TNIP1: variants seen among roughly 807,000 people sequenced by gnomAD.
The protein encoded by TNIP1 is TNFAIP3 interacting protein 1, also known as TNFAIP3-interacting protein 1.
TNIP1 carries 22 observed loss-of-function variants against 86.6 expected under a neutral mutation model. That is an observed-to-expected ratio of 0.25 (90% CI 0.18 to 0.36). The LOEUF is 0.36. TNIP1 is among the 10% of genes least tolerant of loss of function. The pLI is 1.00. For synonymous variants in TNIP1, 294 were observed against 313.0 expected, an observed-to-expected ratio of 0.94 and a Z score of 0.64; for missense variants, 709 against 820.6, an observed-to-expected ratio of 0.86 and a Z score of 1.66.
intron 5 of TNIP1, 57 bp downstream of exon 5, chr5:151,060,261 G>A: frequency 6.3e-7 from 1 of 1,581,316 alleles, no homozygotes; most frequent in South Asian, 1.1e-5. Context: ...ATGGTAGCAA[G>A]TGACAGGACA....
At chr5:151,068,843 A>G (rs34063173) in intron 1 of TNIP1, among the ~76,000 whole-genome samples, 3,270 of 152,312 alleles carry the variant, frequency 0.021, 47 homozygotes, top group South Asian at 0.058. Flanking sequence ...GCCTGGTTCC[A>G]CAAACTACAA....
intron 5 of TNIP1, among the ~76,000 whole-genome samples, chr5:151,059,779 CAGAGAGAGAGAGAGAG>C (rs55637016): frequency 0.014 from 920 of 67,408 alleles, 18 homozygotes; most frequent in African/African-American, 0.042. Flanking sequence ...GTACGAGAGA[CAGAGAGAGAGAGAGAG>C]AGAGAGAGAG....
In TNIP1 at chr5:151,030,724, C is replaced by T. The variant is rs1183606594; in HGVS notation, c.1900G>A (p.Gly634Arg). 6.2e-7 allele frequency: 1 copy of T among 1,612,116 alleles called. No individual in the cohort carries two copies. The highest frequency in any genetic ancestry group is 8.5e-7 in the Non-Finnish European group (1 of 1,179,414). The change falls in exon 18 of 18, where the codon GGG becomes AGG. Residue 634 changes from glycine to arginine, a missense_variant. Physicochemically the swap from Gly to Arg is moderately radical, Grantham distance 125 (BLOSUM62 -2). Coordinates refer to ENST00000521591, the MANE Select transcript of TNIP1 (RefSeq NM_006058.5). ...GACACAATCTGGTCTCACTGAGGCC[C>T]CTCACGGTCATTTTTTGGAGACTCT... ...EPESPKNDRE[G>R]PQ
Position 151,030,483 on chromosome 5 carries a change from GT to G in TNIP1, c.*229del. ...CTCTCCACTCAGCAGCAGGGAAGGA[GT>G]TTTTCCCAGTCACTCCCAGCAGAGT... On this transcript the variant is annotated 3_prime_UTR_variant, in exon 18 of 18. Transcript: ENST00000521591. 2 of 635,288 alleles carry G rather than the reference GT, an allele frequency of 3.1e-6. No individual in the cohort carries two copies. The highest frequency in any genetic ancestry group is 5.3e-6 in the Non-Finnish European group (2 of 374,724). The allele number at this position is 635,288 out of a possible 1,614,324, so 39.4% of individuals were successfully genotyped here. A position where few individuals can be genotyped will look rare whatever the true frequency, so the allele number is the denominator to read the frequency against.
chr5:151,049,748 C>T (rs1486951070), intron 8 of TNIP1, 76 bp downstream of exon 8: 1 of 1,561,522 alleles, frequency 6.4e-7, no homozygotes, highest in Non-Finnish European at 8.8e-7. Context: ...AGGAGGCTCA[C>T]TGTCACTGGA....
At chr5:151,039,873 G>A (rs77287852) in intron 11 of TNIP1, among the ~76,000 whole-genome samples, 4,692 of 152,286 alleles carry the variant, frequency 0.031, 228 homozygotes, top group African/African-American at 0.11. Flanking sequence ...ACAGCTGAGG[G>A]AAGGCTTCCA....
chr5:151,063,503 A>C, intron 3 of TNIP1, 110 bp downstream of exon 3: 1 of 1,480,218 alleles, frequency 6.8e-7, no homozygotes, highest in Non-Finnish European at 9.2e-7. Flanking sequence ...CCTGTGACCT[A>C]AGGATAAACG....
chr5:151,054,819 G>T (rs1760435503), intron 6 of TNIP1, among the ~76,000 whole-genome samples: 1 of 152,196 alleles, frequency 6.6e-6, no homozygotes, highest in Admixed American at 6.5e-5. Flanking sequence ...GAATGAGGAG[G>T]AACTGGATCA....
At chr5:151,038,502 A>G (rs1405675546) in intron 12 of TNIP1, among the ~76,000 whole-genome samples, 2 of 152,198 alleles carry the variant, frequency 1.3e-5, no homozygotes, top group African/African-American at 2.4e-5. Context: ...CGCTTGGCTC[A>G]GACCAGAGGG....
At chr5:151,067,803 C>T (rs1457994363) in intron 1 of TNIP1, among the ~76,000 whole-genome samples, 1 of 152,180 alleles carries the variant, frequency 6.6e-6, no homozygotes, top group Non-Finnish European at 1.5e-5. Context: ...AAGGCCATGT[C>T]CAACATCCCA....
At position 151,063,726 on chromosome 5, in the gene TNIP1, T is replaced by C; in HGVS notation, c.158A>G (p.Gln53Arg). 1 of 1,613,992 alleles carries C rather than the reference T, an allele frequency of 6.2e-7. No homozygotes were observed. Among genetic ancestry groups the C allele is most frequent in the Non-Finnish European group, 8.5e-7 (1 of 1,179,952 alleles). ...KMLGELLEES[Q>R]MEATRLRQKA... ...CTGCCGGAGCCTGGTCGCTTCCATCTGGGACTCTTCCAAAAGCTCCCCTAG... is the reference window on the plus strand; with the variant it reads ...CTGCCGGAGCCTGGTCGCTTCCATCCGGGACTCTTCCAAAAGCTCCCCTAG... Residue 53 changes from glutamine (Q) to arginine (R), a missense_variant, in exon 3 of 18, where the codon CAG becomes CGG. By Grantham distance (43) the Gln-to-Arg change is conservative (BLOSUM62 1). Coordinates refer to ENST00000521591, the MANE Select transcript of TNIP1 (RefSeq NM_006058.5).
chr5:151,037,020 T>C, intron 12 of TNIP1, 99 bp from the exon 13 acceptor site: 1 of 1,406,906 alleles, frequency 7.1e-7, no homozygotes. Flanking sequence ...ATAATAATCA[T>C]ACTAATAATA....
chr5:151,034,772 T>C, intron 15 of TNIP1: 1 of 547,582 alleles, frequency 1.8e-6, no homozygotes, highest in Non-Finnish European at 3.3e-6. Flanking sequence ...GCTAGTCACA[T>C]GGGCACGGAA....
At chr5:151,042,437 A>AC (rs1758543133) in intron 11 of TNIP1, 103 bp downstream of exon 11, 1 of 1,505,308 alleles carries the variant, frequency 6.6e-7, no homozygotes, top group Non-Finnish European at 8.9e-7. Flanking sequence ...TTCGCACTAG[A>AC]CCCCCGGGTC....
chr5:151,049,500 C>A (rs1362272704), intron 8 of TNIP1, among the ~76,000 whole-genome samples: 1 of 152,146 alleles, frequency 6.6e-6, no homozygotes, highest in Non-Finnish European at 1.5e-5. Context: ...TAAGACAGAC[C>A]TTGACAAACT....
intron 8 of TNIP1, chr5:151,046,188 C>CT: frequency 3.7e-6 from 2 of 543,318 alleles, no homozygotes; most frequent in Non-Finnish European, 6.7e-6. Flanking sequence ...CTCCCCTTCC[C>CT]TTCTCCCCTC....
intron 1 of TNIP1, among the ~76,000 whole-genome samples, chr5:151,073,775 C>T (rs970035782): frequency 6.6e-6 from 1 of 152,080 alleles, no homozygotes; most frequent in Non-Finnish European, 1.5e-5. Context: ...TGGCACATGC[C>T]TGGAGTCCCA....
rs1246492493 is a variant in TNIP1 at position 151,052,277 on chromosome 5, A to G, written c.628-18T>C. 1.2e-6 allele frequency: 2 copies of G among 1,608,412 alleles called. No individual in the cohort carries two copies. Among genetic ancestry groups the G allele is most frequent in the East Asian group, 2.2e-5 (1 of 44,586 alleles). ...CACAGGGTCTGTGGGGCAGGGGAACAGACAGGGTGAGGGAAAGGAGGGGCC... is the reference window on the plus strand; with the variant it reads ...CACAGGGTCTGTGGGGCAGGGGAACGGACAGGGTGAGGGAAAGGAGGGGCC... On this transcript the variant is annotated intron_variant, in intron 6 of 17. Coordinates refer to ENST00000521591, the MANE Select transcript of TNIP1 (RefSeq NM_006058.5).
chr5:151,060,095 C>T (rs1161759032), intron 5 of TNIP1, among the ~76,000 whole-genome samples: 1 of 152,194 alleles, frequency 6.6e-6, no homozygotes, highest in Non-Finnish European at 1.5e-5. Context: ...CCCAGGCTTT[C>T]ACAACGGTCG....
Sources: allele counts gnomAD v4.1 joint callset (sites outside exome capture counted in the v4.1 genomes callset), GRCh38; gene constraint gnomAD v4.1.1; transcripts MANE v1.5; gene names NCBI Gene and HGNC (gene_info 2026-07-23, HGNC 2026-07-21).